The following PRDM2 variants were observed in gnomAD, a reference collection of about 807,000 sequenced individuals.
PRDM2 encodes PR domain zinc finger protein 2.
PRDM2 carries 30 observed loss-of-function variants against 130.0 expected under a neutral mutation model. The observed-to-expected ratio is 0.23, with a 90% CI of 0.17 to 0.31. The LOEUF (loss-of-function observed/expected upper bound fraction) is 0.31, where lower values mean the gene tolerates loss of function less well. PRDM2 is among the 10% of genes least tolerant of loss of function. The pLI, the probability that PRDM2 is intolerant of heterozygous loss-of-function variation, is 1.00. For synonymous variants in PRDM2, 871 were observed against 782.4 expected (o/e 1.11, Z -1.89); for missense variants, 2,011 against 2,108.4 (o/e 0.95, Z 0.90).
intron 1 of PRDM2, among the ~76,000 whole-genome samples, chr1:13,707,514 TC>T (rs2100387424): frequency 6.6e-6 from 1 of 152,378 alleles, no homozygotes; most frequent in East Asian, 1.9e-4. Context: ...GATTTAATTT[TC>T]CTTTTATAAG....
At position 13,797,731 on chromosome 1, in the gene PRDM2, A is replaced by G. The variant is rs556028775; in HGVS notation, c.5036+14900A>G. ...CTCAGTGGACCACCTACATTAAAAA[A>G]TCACCTGGGTGATTAAAAGTTTCAG... On this transcript the variant is annotated intron_variant, in intron 8 of 9. Transcript: ENST00000311066. Among the ~76,000 whole-genome samples, 3 of 152,334 alleles carry G rather than the reference A, an allele frequency of 2.0e-5. No homozygotes were observed. In the South Asian group the frequency reaches 6.2e-4, roughly 32 times the overall value.
chr1:13,700,685 G>A (rs568793980), intron 1 of PRDM2, among the ~76,000 whole-genome samples: 63 of 152,128 alleles, frequency 4.1e-4, no homozygotes, highest in African/African-American at 1.5e-3. Context: ...GGGGCCGGGC[G>A]CCGTCCCAAT....
Position 13,781,365 on chromosome 1 carries a change from C to T in PRDM2, c.3570C>T (p.Ile1190=). Residue 1190 remains isoleucine (I), a synonymous_variant, in exon 8 of 10, where the codon ATC becomes ATT. Transcript: ENST00000311066. The surrounding 1 kb of genome is among the most constrained non-coding windows in gnomAD (Gnocchi z 6.1). ...HRFLLHGVGN[I]FVCSVCKKEF... ...TTTTGCTTCATGGAGTTGGGAATAT[C>T]TTTGTGTGTTCTGTTTGTAAAAAAG... is the stretch of plus-strand genomic sequence containing the variant. 1 of 1,614,084 alleles carries T rather than the reference C, an allele frequency of 6.2e-7. No individual in the cohort carries two copies. The highest frequency in any genetic ancestry group is 8.5e-7 in the Non-Finnish European group (1 of 1,180,020).
At chr1:13,730,262 C>A (rs1357270589) in intron 2 of PRDM2, among the ~76,000 whole-genome samples, 1 of 152,212 alleles carries the variant, frequency 6.6e-6, no homozygotes, top group Non-Finnish European at 1.5e-5. Flanking sequence ...TGGCTCAAAT[C>A]TCTCCCTTCC....
At chr1:13,788,117 A>G (rs1400985073) in intron 8 of PRDM2, 1 of 952,136 alleles carries the variant, frequency 1.1e-6, no homozygotes, top group South Asian at 4.9e-5. Flanking sequence ...AATTGGGAGC[A>G]GTTAGGGGGT....
chr1:13,765,193 C>T (rs1644195159), intron 6 of PRDM2, among the ~76,000 whole-genome samples: 1 of 152,368 alleles, frequency 6.6e-6, no homozygotes, highest in South Asian at 2.1e-4. Flanking sequence ...ATCAGTCCTT[C>T]TGCCCAAGTC....
At chr1:13,764,606 G>A (rs940579930) in intron 6 of PRDM2, among the ~76,000 whole-genome samples, 2 of 152,224 alleles carry the variant, frequency 1.3e-5, no homozygotes, top group Non-Finnish European at 1.5e-5. Context: ...ACTCCCTTCC[G>A]ATGGATCTTT....
chr1:13,820,133 G>A (rs1258123289), intron 9 of PRDM2, among the ~76,000 whole-genome samples: 4 of 152,186 alleles, frequency 2.6e-5, no homozygotes, highest in South Asian at 2.1e-4. Flanking sequence ...TTCCCGGGAC[G>A]GATCTTCGAC....
At chr1:13,775,630 AGGC>A (rs1644459221) in intron 7 of PRDM2, among the ~76,000 whole-genome samples, 1 of 152,208 alleles carries the variant, frequency 6.6e-6, no homozygotes. Flanking sequence ...AACAGCAAGG[AGGC>A]TAGGACTGAA....
intron 8 of PRDM2, chr1:13,786,623 A>T (rs1644747032): frequency 6.3e-7 from 1 of 1,583,090 alleles, no homozygotes; most frequent in Admixed American, 1.7e-5. Context: ...AAATCTACCA[A>T]GCTTGCAAGA....
intron 8 of PRDM2, among the ~76,000 whole-genome samples, chr1:13,793,334 C>T (rs945568688): frequency 2.2e-4 from 34 of 152,206 alleles, no homozygotes; most frequent in African/African-American, 7.2e-4. Context: ...TGACAGTGGA[C>T]GCTTAATCCG....
intron 4 of PRDM2, among the ~76,000 whole-genome samples, chr1:13,740,208 T>A (rs1304682888): frequency 6.6e-6 from 1 of 152,230 alleles, no homozygotes; most frequent in African/African-American, 2.4e-5. Flanking sequence ...TGGCACAACC[T>A]ATATTTTTAT....
At chr1:13,755,312 G>C (rs1008250653) in intron 6 of PRDM2, among the ~76,000 whole-genome samples, 1 of 152,062 alleles carries the variant, frequency 6.6e-6, no homozygotes, top group Non-Finnish European at 1.5e-5. Flanking sequence ...GGGTGGATTT[G>C]CAAAAATCCT....
intron 3 of PRDM2, among the ~76,000 whole-genome samples, chr1:13,732,160 G>A (rs1021335438): frequency 1.4e-4 from 22 of 152,146 alleles, no homozygotes; most frequent in African/African-American, 4.6e-4. Flanking sequence ...TCAGTGCATA[G>A]TAAATAGAAA....
At chr1:13,808,887 T>C (rs936370813) in intron 8 of PRDM2, among the ~76,000 whole-genome samples, 6 of 152,284 alleles carry the variant, frequency 3.9e-5, no homozygotes, top group Admixed American at 6.5e-5. Flanking sequence ...CAGGGCCATG[T>C]TGCCTCAAGA....
intron 6 of PRDM2, among the ~76,000 whole-genome samples, chr1:13,765,282 A>G (rs1275055838): frequency 1.3e-5 from 2 of 152,270 alleles, no homozygotes; most frequent in African/African-American, 4.8e-5. Context: ...TACATTAAGA[A>G]TATTGAAATG....
At chr1:13,706,657 G>T (rs1642219532) in intron 1 of PRDM2, among the ~76,000 whole-genome samples, 2 of 151,704 alleles carry the variant, frequency 1.3e-5, no homozygotes, top group Non-Finnish European at 2.9e-5. Context: ...GCACTGTTTT[G>T]CAGACTAAAG....
chr1:13,720,751 A>T (rs913390438), intron 2 of PRDM2, among the ~76,000 whole-genome samples: 1 of 152,238 alleles, frequency 6.6e-6, no homozygotes, highest in Non-Finnish European at 1.5e-5. Context: ...TCCCTATTTA[A>T]CAGATAAGAA....
intron 7 of PRDM2, among the ~76,000 whole-genome samples, chr1:13,778,154 G>A (rs946619719): frequency 6.6e-6 from 1 of 152,208 alleles, no homozygotes; most frequent in Admixed American, 6.5e-5. Flanking sequence ...GGACATCCTT[G>A]TCTGTTGCGC....
Sources: gnomAD v4.1 joint callset for allele counts (sites outside exome capture counted in the v4.1 genomes callset) on GRCh38, gnomAD v4.1.1 for gene constraint, Gnocchi (gnomAD v3.1) non-coding constraint, MANE v1.5 for transcripts, NCBI Gene and HGNC (gene_info 2026-07-23, HGNC 2026-07-21) for gene names.